The following TRIM9 variants were observed in gnomAD, a reference collection of about 807,000 sequenced individuals.
TRIM9 encodes tripartite motif containing 9, also known as E3 ubiquitin-protein ligase TRIM9.
Under a neutral mutation model 78.3 loss-of-function variants are expected in TRIM9, and 26 were observed. The ratio of observed to expected loss-of-function variants is 0.33; its 90% CI spans 0.24 to 0.46. TRIM9 has a LOEUF of 0.46. Among genes scored for constraint, TRIM9 ranks in the 20% least tolerant of loss-of-function variants. TRIM9 has a pLI of 1.00. For missense variants in TRIM9, 787 were observed against 1,036.4 expected (o/e 0.76, Z 3.30); for synonymous variants, 398 against 416.5 (o/e 0.96, Z 0.54).
chr14:51,057,880 T>G (rs1180811222), intron 1 of TRIM9, among the ~76,000 whole-genome samples: 1 of 152,202 alleles, frequency 6.6e-6, no homozygotes, highest in African/African-American at 2.4e-5. Flanking sequence ...GAGCCAAGTC[T>G]GTACACAAGT....
intron 12 of TRIM9, 34 bp from the exon 13 acceptor site, chr14:50,977,387 C>T (rs200713374): frequency 3.5e-4 from 516 of 1,476,514 alleles, no homozygotes; most frequent in Non-Finnish European, 4.5e-4. Context: ...TGAGAGGCAT[C>T]GTGCATCCCC....
intron 1 of TRIM9, among the ~76,000 whole-genome samples, chr14:51,061,139 G>A (rs771229636): frequency 7.6e-4 from 115 of 152,216 alleles, no homozygotes; most frequent in Non-Finnish European, 1.3e-3. Context: ...TTGGCTGGGC[G>A]TGGTGGCTCA....
At chr14:51,023,619 A>T (rs2057965206) in intron 2 of TRIM9, among the ~76,000 whole-genome samples, 1 of 152,208 alleles carries the variant, frequency 6.6e-6, no homozygotes, top group Admixed American at 6.5e-5. Context: ...TTTAAATTAA[A>T]TGCTGGATAT....
chr14:50,982,329 C>T (rs546820846), intron 10 of TRIM9: 15 of 576,040 alleles, frequency 2.6e-5, no homozygotes, highest in South Asian at 2.5e-4. Context: ...TTACCTGGCT[C>T]AGACTGCACT....
At chr14:51,087,829 G>T (rs1006906589) in intron 1 of TRIM9, among the ~76,000 whole-genome samples, 8 of 151,920 alleles carry the variant, frequency 5.3e-5, no homozygotes, top group Non-Finnish European at 1.2e-4. Flanking sequence ...ATCTATTTTT[G>T]TATACCACAG....
chr14:51,074,804 C>T (rs1304119819), intron 1 of TRIM9, among the ~76,000 whole-genome samples: 1 of 152,218 alleles, frequency 6.6e-6, no homozygotes, highest in East Asian at 1.9e-4. Context: ...TTTTCTACTT[C>T]CCTCTTACAA....
chr14:50,988,897 G>A (rs2053115136), intron 7 of TRIM9, among the ~76,000 whole-genome samples: 1 of 152,108 alleles, frequency 6.6e-6, no homozygotes, highest in Non-Finnish European at 1.5e-5. Flanking sequence ...ATCATCAGAG[G>A]AGCTGCCATC....
intron 12 of TRIM9, among the ~76,000 whole-genome samples, chr14:50,978,583 A>G (rs1004612629): frequency 2.6e-5 from 4 of 152,110 alleles, no homozygotes; most frequent in African/African-American, 7.2e-5. Flanking sequence ...AGCCCTACCT[A>G]CGCAATACTG....
intron 1 of TRIM9, among the ~76,000 whole-genome samples, chr14:51,050,891 C>A (rs1024532082): frequency 6.6e-6 from 1 of 152,170 alleles, no homozygotes; most frequent in Non-Finnish European, 1.5e-5. Flanking sequence ...ATTCTACAAC[C>A]CTACTCAAGC....
chr14:50,997,267 C>T, intron 7 of TRIM9: 1 of 985,338 alleles, frequency 1.0e-6, no homozygotes, highest in Non-Finnish European at 1.2e-6. Context: ...ATTCAAGCCT[C>T]TCATCTGAGA....
intron 12 of TRIM9, among the ~76,000 whole-genome samples, chr14:50,977,957 A>G (rs1378311786): frequency 2.6e-5 from 4 of 151,770 alleles, no homozygotes. Flanking sequence ...GATAATCAGA[A>G]GGTCCTGAAA....
intron 1 of TRIM9, among the ~76,000 whole-genome samples, chr14:51,030,939 G>A (rs1368889520): frequency 6.6e-6 from 1 of 152,002 alleles, no homozygotes; most frequent in African/African-American, 2.4e-5. Context: ...TTGAGGCCAG[G>A]AGTTCAAGAT....
At chr14:51,030,246 T>C (rs2058612249) in intron 1 of TRIM9, among the ~76,000 whole-genome samples, 1 of 152,222 alleles carries the variant, frequency 6.6e-6, no homozygotes, top group Non-Finnish European at 1.5e-5. Flanking sequence ...GACTGGTACT[T>C]GGGGAACCAT....
intron 1 of TRIM9, among the ~76,000 whole-genome samples, chr14:51,061,028 T>C (rs568727597): frequency 2.0e-5 from 3 of 152,360 alleles, no homozygotes; most frequent in Admixed American, 2.0e-4. Context: ...ATTTTCTTGA[T>C]AAACAATGAT....
intron 3 of TRIM9, among the ~76,000 whole-genome samples, chr14:51,012,260 G>A (rs962553731): frequency 1.3e-5 from 2 of 152,112 alleles, no homozygotes; most frequent in African/African-American, 2.4e-5. Flanking sequence ...CCTGGCAACC[G>A]CCATTCTACT....
chr14:51,036,562 C>T (rs992370038), intron 1 of TRIM9, among the ~76,000 whole-genome samples: 4 of 152,154 alleles, frequency 2.6e-5, no homozygotes, highest in African/African-American at 9.7e-5. Flanking sequence ...CTCTAGATTA[C>T]TTATAATACC....
chr14:51,013,751 G>T (rs1002116175), intron 3 of TRIM9, among the ~76,000 whole-genome samples: 1 of 152,042 alleles, frequency 6.6e-6, no homozygotes, highest in African/African-American at 2.4e-5. Context: ...TGGGCTCAAT[G>T]AATACAAATT....
chr14:51,031,269 T>C (rs2058717255), intron 1 of TRIM9, among the ~76,000 whole-genome samples: 1 of 151,962 alleles, frequency 6.6e-6, no homozygotes, highest in South Asian at 2.1e-4. Context: ...CCTTGACCTA[T>C]AAAGACTTGA....
chr14:51,032,464 T>A (rs2058814294), intron 1 of TRIM9, among the ~76,000 whole-genome samples: 1 of 152,246 alleles, frequency 6.6e-6, no homozygotes, highest in South Asian at 2.1e-4. Flanking sequence ...GAAAGCTATG[T>A]CCCCTTCTGG....
Sources: allele counts gnomAD v4.1 joint callset (sites outside exome capture counted in the v4.1 genomes callset), GRCh38; gene constraint gnomAD v4.1.1; transcripts MANE v1.5; gene names NCBI Gene and HGNC (gene_info 2026-07-23, HGNC 2026-07-21).